NUDT3: variants seen among roughly 807,000 people sequenced by gnomAD.
NUDT3 encodes the protein nudix hydrolase 3.
Under a neutral mutation model 23.6 loss-of-function variants are expected in NUDT3, and 9 were observed. That is an observed-to-expected ratio of 0.38 (90% CI 0.23 to 0.66). NUDT3 has a LOEUF of 0.66. Among genes scored for constraint, NUDT3 ranks in the 30% least tolerant of loss-of-function variants. The probability of loss-of-function intolerance (pLI) is 0.52; values close to 1 mark genes in which losing one functional copy is unlikely to be tolerated. For missense variants in NUDT3, 172 were observed against 218.5 expected (o/e 0.79, Z 1.34); for synonymous variants, 86 against 82.6 (o/e 1.04, Z -0.22).
intron 2 of NUDT3, among the ~76,000 whole-genome samples, chr6:34,310,301 A>G (rs1763751309): frequency 6.6e-6 from 1 of 152,018 alleles, no homozygotes; most frequent in Non-Finnish European, 1.5e-5. Flanking sequence ...AGGCCGAGGC[A>G]GGAGGATCAC....
In NUDT3 at chr6:34,321,482, CCTT is replaced by C. The variant is rs1351220510; in HGVS notation, c.210+20377_210+20379del. ...AAATAATAATAATAACGTGTTGTCTCCTTCATCATTAATAGAATTAGTTTTAAA... is the reference window on the plus strand; with the variant it reads ...AAATAATAATAATAACGTGTTGTCTCCATCATTAATAGAATTAGTTTTAAA... On this transcript the variant is annotated intron_variant, in intron 2 of 4. Coordinates refer to ENST00000607016, the MANE Select transcript of NUDT3 (RefSeq NM_006703.4). Among the ~76,000 whole-genome samples, 6 of 151,914 alleles carry C rather than the reference CCTT, an allele frequency of 3.9e-5. No individual in the cohort carries two copies. The East Asian group carries it at 5.8e-4, about 15-fold the overall frequency.
chr6:34,308,460 C>CAAA (rs1183799403), intron 2 of NUDT3, among the ~76,000 whole-genome samples: 65 of 81,954 alleles, frequency 7.9e-4, no homozygotes, highest in African/African-American at 2.3e-3. Context: ...GATCGTCTCT[C>CAAA]AAAAAAAAAA....
intron 1 of NUDT3, among the ~76,000 whole-genome samples, chr6:34,357,757 T>C (rs983527049): frequency 3.3e-5 from 5 of 152,188 alleles, no homozygotes; most frequent in Admixed American, 3.3e-4. Context: ...CCAAATAGAT[T>C]TCAGAAAAAA....
In NUDT3 at chr6:34,385,458, T is replaced by G. The variant is rs185057245; in HGVS notation, c.99+6806A>C. On this transcript the variant is annotated intron_variant, in intron 1 of 4. Coordinates refer to ENST00000607016, the MANE Select transcript of NUDT3 (RefSeq NM_006703.4). ...AAACATGTAGTTATTTGGTAATCTT[T>G]GTAGGGCCAAGATCTTGTTTTGTTT... is the stretch of plus-strand genomic sequence containing the variant. Among the ~76,000 whole-genome samples the G allele has an allele frequency of 8.6e-4, 131 of 152,332 alleles. No individual in the cohort carries two copies. The East Asian group carries it at 0.011, about 12-fold the overall frequency.
chr6:34,304,794 G>A (rs946221155), intron 2 of NUDT3, among the ~76,000 whole-genome samples: 1 of 150,950 alleles, frequency 6.6e-6, no homozygotes, highest in African/African-American at 2.4e-5. Context: ...CTGAGTAGCT[G>A]GGACAACAGG....
chr6:34,309,867 T>C (rs956171086), intron 2 of NUDT3, among the ~76,000 whole-genome samples: 5 of 152,064 alleles, frequency 3.3e-5, no homozygotes, highest in African/African-American at 1.2e-4. Context: ...CCTGGAAAGG[T>C]AGAATCTGTC....
Position 34,357,233 on chromosome 6 carries a change from G to C in NUDT3, c.100-15261C>G, listed in dbSNP as rs867122457. On this transcript the variant is annotated intron_variant, in intron 1 of 4. Transcript: ENST00000607016. ...CATCCTACAAAATTGGCCACGAGCTGATAACAGTTGAAGCTGACTGAGGAG... is the reference window on the plus strand; with the variant it reads ...CATCCTACAAAATTGGCCACGAGCTCATAACAGTTGAAGCTGACTGAGGAG... Among the ~76,000 whole-genome samples the C allele has an allele frequency of 3.9e-5, 6 of 152,280 alleles. No homozygotes were observed. In the Middle Eastern group the frequency reaches 0.02, roughly 518 times the overall value.
chr6:34,293,197 C>T (rs112289157), intron 4 of NUDT3, among the ~76,000 whole-genome samples: 2 of 152,120 alleles, frequency 1.3e-5, no homozygotes, highest in African/African-American at 2.4e-5. Flanking sequence ...TGAGAAGCTG[C>T]GACCACAGGC....
rs550534892 is a variant in NUDT3, at chr6:34,288,679, G to A, written c.*74C>T. 1 of 1,529,994 alleles carries A rather than the reference G, an allele frequency of 6.5e-7. No individual in the cohort carries two copies. The highest frequency in any genetic ancestry group is 2.1e-5 in the Admixed American group (1 of 46,660). 94.8% of individuals were successfully genotyped at this position (1,529,994 alleles called of 1,614,324 possible). Reference sequence around the variant, plus strand: ...AGAGGAGGCCTGTGAGAAGTGGAAAGAGCCAGGGTGAGAGGGAAGATTTGC... The same window carrying A: ...AGAGGAGGCCTGTGAGAAGTGGAAAAAGCCAGGGTGAGAGGGAAGATTTGC... On this transcript the variant is annotated 3_prime_UTR_variant, in exon 5 of 5. Transcript: ENST00000607016.
chr6:34,349,581 T>C (rs544223370), intron 1 of NUDT3, among the ~76,000 whole-genome samples: 1 of 150,554 alleles, frequency 6.6e-6, no homozygotes, highest in African/African-American at 2.5e-5. Context: ...TTGGAAACAA[T>C]GGTATCAGAA....
At chr6:34,388,107 A>T (rs1181710860) in intron 1 of NUDT3, among the ~76,000 whole-genome samples, 1 of 152,218 alleles carries the variant, frequency 6.6e-6, no homozygotes, top group Non-Finnish European at 1.5e-5. Flanking sequence ...TATTCAGTAC[A>T]GTCACATGCT....
intron 1 of NUDT3, among the ~76,000 whole-genome samples, chr6:34,373,076 G>A (rs989043734): frequency 8.6e-5 from 13 of 151,746 alleles, no homozygotes; most frequent in Non-Finnish European, 1.6e-4. Context: ...TCAGGAGATC[G>A]AGACCATCCT....
chr6:34,306,546 C>T (rs1387275811), intron 2 of NUDT3, among the ~76,000 whole-genome samples: 1 of 152,194 alleles, frequency 6.6e-6, no homozygotes, highest in African/African-American at 2.4e-5. Flanking sequence ...GAATGTGGAG[C>T]TGGATGGAAA....
chr6:34,289,393 T>C (rs183417074), intron 4 of NUDT3, among the ~76,000 whole-genome samples: 2,556 of 151,410 alleles, frequency 0.017, 42 homozygotes, highest in Middle Eastern at 0.041. Context: ...ATGGCAAAAC[T>C]CTGTCTCTAC....
intron 1 of NUDT3, among the ~76,000 whole-genome samples, chr6:34,391,002 G>A (rs529196332): frequency 1.5e-4 from 23 of 152,260 alleles, no homozygotes; most frequent in Middle Eastern, 3.4e-3. Context: ...CAAAGCATAC[G>A]TTTCCAAATC....
chr6:34,301,172 T>C (rs991230768), intron 2 of NUDT3, among the ~76,000 whole-genome samples: 4 of 126,956 alleles, frequency 3.2e-5, no homozygotes, highest in African/African-American at 1.1e-4. Flanking sequence ...ATCTAATCTA[T>C]CTCCTTGTTA....
At chr6:34,380,662 G>A (rs1765001507) in intron 1 of NUDT3, among the ~76,000 whole-genome samples, 1 of 152,172 alleles carries the variant, frequency 6.6e-6, no homozygotes, top group Non-Finnish European at 1.5e-5. Flanking sequence ...TTGTTTTCAT[G>A]TCCTTGGGGA....
At chr6:34,294,659 G>A (rs1763472178) in intron 3 of NUDT3, among the ~76,000 whole-genome samples, 1 of 151,680 alleles carries the variant, frequency 6.6e-6, no homozygotes, top group Admixed American at 6.6e-5. Context: ...CTGGGAGGCG[G>A]AGGTTGTGGT....
rs915967504 is a variant in NUDT3, at chr6:34,382,239, T to TA, written c.99+10024dup. 8.6e-5 allele frequency among the ~76,000 whole-genome samples: 13 copies of TA among 150,748 alleles called. No individual in the cohort carries two copies. In the East Asian group the frequency reaches 2.0e-3, roughly 23 times the overall value. On this transcript the variant is annotated intron_variant, in intron 1 of 4. Transcript: ENST00000607016. ...AATGAAACCTCATCTCTACAAAAAA[T>TA]AAAAAAAATATATATTAGGAGGGTG...
Sources: allele counts gnomAD v4.1 joint callset (sites outside exome capture counted in the v4.1 genomes callset), GRCh38; gene constraint gnomAD v4.1.1; transcripts MANE v1.5; gene names NCBI Gene and HGNC (gene_info 2026-07-23, HGNC 2026-07-21).